JAK2: variants seen among roughly 807,000 people sequenced by gnomAD.
JAK2 encodes the protein Janus kinase 2.
A neutral mutation model predicts 139.3 loss-of-function variants in JAK2; 86 were observed. The observed-to-expected ratio is 0.62, with a 90% CI of 0.52 to 0.74. The LOEUF (loss-of-function observed/expected upper bound fraction) is 0.74. JAK2 is among the 30% of genes least tolerant of loss of function. The pLI, the probability that JAK2 is intolerant of heterozygous loss-of-function variation, is 0.00. For synonymous variants in JAK2, 490 were observed against 437.7 expected (o/e 1.12, Z -1.49); for missense variants, 1,421 against 1,360.3 (o/e 1.04, Z -0.70).
intron 4 of JAK2, among the ~76,000 whole-genome samples, chr9:5,033,440 A>T (rs1823320450): frequency 6.6e-6 from 1 of 152,230 alleles, no homozygotes; most frequent in African/African-American, 2.4e-5. Context: ...CATAATTGTC[A>T]GATTCACCAA....
At chr9:5,124,334 C>G (rs1823837807) in intron 23 of JAK2, among the ~76,000 whole-genome samples, 1 of 151,148 alleles carries the variant, frequency 6.6e-6, no homozygotes, top group Non-Finnish European at 1.5e-5. Flanking sequence ...TAGTATTTTT[C>G]TAGTTTCAGA....
intron 2 of JAK2, among the ~76,000 whole-genome samples, chr9:5,004,181 A>T (rs1026032441): frequency 1.1e-4 from 17 of 152,144 alleles, no homozygotes; most frequent in African/African-American, 4.1e-4. Context: ...CAAGTATACG[A>T]TATATTGTTA....
chr9:5,126,536 C>T (rs983886518), intron 24 of JAK2, 90 bp downstream of exon 24: 36 of 991,490 alleles, frequency 3.6e-5, no homozygotes, highest in African/African-American at 2.8e-4. Context: ...ATTTAATGTG[C>T]GGAGCTTCCA....
chr9:5,076,790 A>AT, intron 14 of JAK2, among the ~76,000 whole-genome samples: 1 of 152,266 alleles, frequency 6.6e-6, no homozygotes, highest in African/African-American at 2.4e-5. Context: ...ACATTTTTTC[A>AT]TATCTTTGAA....
At chr9:4,997,904 T>C (rs1175916950) in intron 2 of JAK2, among the ~76,000 whole-genome samples, 1 of 152,154 alleles carries the variant, frequency 6.6e-6, no homozygotes, top group Non-Finnish European at 1.5e-5. Context: ...TCCTTGTTTA[T>C]CCATAGGTGC....
Position 5,065,654 on chromosome 9 carries a change from G to C in JAK2, c.1214+614G>C, listed in dbSNP as rs530098196. On this transcript the variant is annotated intron_variant, in intron 9 of 24. Transcript: ENST00000381652. ...ACATGTGGCTAGTAACTATCACATT[G>C]GCTCACACAGTTGTAGATCCTTACT... Among the ~76,000 whole-genome samples the C allele has an allele frequency of 1.2e-4, 19 of 152,112 alleles. 1 individual carries two copies. Among genetic ancestry groups the C allele is most frequent in the African/African-American group, 4.3e-4 (18 of 41,506 alleles).
intron 22 of JAK2, among the ~76,000 whole-genome samples, chr9:5,106,805 A>G (rs1189555578): frequency 6.6e-6 from 1 of 152,162 alleles, no homozygotes; most frequent in Non-Finnish European, 1.5e-5. Context: ...AAGGACAGAA[A>G]AGCAAACACT....
chr9:5,064,671 GAACTAT>G (rs1420128514), intron 8 of JAK2, among the ~76,000 whole-genome samples: 2 of 152,124 alleles, frequency 1.3e-5, no homozygotes, highest in Non-Finnish European at 2.9e-5. Context: ...GCTATAGAGT[GAACTAT>G]AACTGGGAAG....
At chr9:5,091,020 T>A in intron 22 of JAK2, 109 bp downstream of exon 22, 3 of 796,384 alleles carry the variant, frequency 3.8e-6, no homozygotes, top group Non-Finnish European at 5.8e-6. Context: ...AGTGAACATT[T>A]AAGTCTTTTA....
intron 6 of JAK2, among the ~76,000 whole-genome samples, chr9:5,053,390 C>G (rs572917302): frequency 6.6e-6 from 1 of 152,110 alleles, no homozygotes; most frequent in South Asian, 2.1e-4. Context: ...CACATATAAT[C>G]ATATTTATGA....
chr9:4,998,882 G>C (rs554411857), intron 2 of JAK2, among the ~76,000 whole-genome samples: 40 of 152,128 alleles, frequency 2.6e-4, no homozygotes, highest in African/African-American at 9.6e-4. Context: ...CCAGGCTGTA[G>C]TGCAGTGGTG....
Position 5,096,452 on chromosome 9 carries a change from C to T in JAK2, c.3059+5541C>T, listed in dbSNP as rs1820994402. Reference sequence around the variant, plus strand: ...AAACCCACAAAAATTTAGTTAACAGCTAAATACCCTAATCAACTGGCTTCA... The same window carrying T: ...AAACCCACAAAAATTTAGTTAACAGTTAAATACCCTAATCAACTGGCTTCA... On this transcript the variant is annotated intron_variant, in intron 22 of 24. Transcript: ENST00000381652. Among the ~76,000 whole-genome samples, 3 of 152,144 alleles carry T rather than the reference C, an allele frequency of 2.0e-5. No individual in the cohort carries two copies. In the South Asian group the frequency reaches 6.2e-4, roughly 31 times the overall value.
At chr9:4,993,526 G>C (rs373899018) in intron 2 of JAK2, among the ~76,000 whole-genome samples, 1 of 152,158 alleles carries the variant, frequency 6.6e-6, no homozygotes, top group African/African-American at 2.4e-5. Flanking sequence ...ATTAGGTCAG[G>C]TATGTATTTT....
intron 19 of JAK2, chr9:5,084,902 T>G: frequency 2.2e-6 from 1 of 453,620 alleles, no homozygotes. Flanking sequence ...TTAAAATGAT[T>G]TTTGGTTATC....
chr9:5,041,506 C>G (rs1460265113), intron 4 of JAK2: 1 of 570,628 alleles, frequency 1.8e-6, no homozygotes, highest in Non-Finnish European at 3.4e-6. Flanking sequence ...ATCGGGGACA[C>G]ATAGCGCGCC....
In JAK2 at chr9:5,099,782, T is replaced by C. The variant is rs375021995; in HGVS notation, c.3059+8871T>C. The C allele has an allele frequency of 8.5e-5, 13 of 152,310 alleles. No homozygotes were observed. In the East Asian group the frequency reaches 2.1e-3, roughly 25 times the overall value. 9.4% of individuals were successfully genotyped at this position (152,310 alleles called of 1,614,324 possible). A position where few individuals can be genotyped will look rare whatever the true frequency, so the allele number is the denominator to read the frequency against. ...TGATCCCTTATAATAATATCCCTAA[T>C]TATCTTCACTGCCTCAACCAACCTC... is the stretch of plus-strand genomic sequence containing the variant. On this transcript the variant is annotated intron_variant, in intron 22 of 24. Coordinates refer to ENST00000381652, the MANE Select transcript of JAK2 (RefSeq NM_004972.4).
At chr9:5,032,434 G>A (rs546790137) in intron 4 of JAK2, among the ~76,000 whole-genome samples, 13 of 152,338 alleles carry the variant, frequency 8.5e-5, no homozygotes, top group East Asian at 3.9e-4. Flanking sequence ...ATCTGAGAAC[G>A]GACAGACTGC....
At chr9:4,999,960 T>C (rs1273515558) in intron 2 of JAK2, among the ~76,000 whole-genome samples, 1 of 152,224 alleles carries the variant, frequency 6.6e-6, no homozygotes, top group Admixed American at 6.5e-5. Flanking sequence ...ATTGGCATTC[T>C]TCTTGTTTAC....
At chr9:5,048,160 G>A (rs1023719242) in intron 5 of JAK2, among the ~76,000 whole-genome samples, 4 of 148,802 alleles carry the variant, frequency 2.7e-5, no homozygotes, top group South Asian at 2.1e-4. Context: ...CTTTTTTTTT[G>A]AGATGGAGTC....
Sources: allele counts gnomAD v4.1 joint callset (sites outside exome capture counted in the v4.1 genomes callset), GRCh38; gene constraint gnomAD v4.1.1; transcripts MANE v1.5; gene names NCBI Gene and HGNC (gene_info 2026-07-23, HGNC 2026-07-21).